ZNF12: variants seen among roughly 807,000 people sequenced by gnomAD.
ZNF12 encodes the protein gonadotropin inducible transcription repressor 3.
A neutral mutation model predicts 66.6 loss-of-function variants in ZNF12; 34 were observed. The ratio of observed to expected loss-of-function variants is 0.51; its 90% CI spans 0.39 to 0.68. The LOEUF is 0.68. Among genes scored for constraint, ZNF12 ranks in the 30% least tolerant of loss-of-function variants. The probability of loss-of-function intolerance (pLI) is 0.00; values close to 1 mark genes in which losing one functional copy is unlikely to be tolerated. For synonymous variants in ZNF12, 320 were observed against 278.9 expected, an observed-to-expected ratio of 1.15 and a Z score of -1.47; for missense variants, 697 against 826.9, an observed-to-expected ratio of 0.84 and a Z score of 1.93.
chr7:6,705,716 T>TTAA lies in ZNF12; in HGVS notation c.-50-494_-50-493insTTA, dbSNP rs1365729801. The stretch of plus-strand genomic sequence containing the variant: ...CCTGGGCAACAAAGCGAAACTTGTC[T>TTAA]CAAAAACAAACAAACAAACAAACAA... On this transcript the variant is annotated intron_variant, in intron 1 of 4. Transcript: ENST00000405858. This position sits in a 1 kb window ranked among gnomAD's most constrained non-coding sequence, Gnocchi z 4.0. Among the ~76,000 whole-genome samples, 1 of 112,148 alleles carries TTAA rather than the reference T, an allele frequency of 8.9e-6. No homozygotes were observed. The highest frequency in any genetic ancestry group is 2.0e-5 in the Non-Finnish European group (1 of 50,860). The allele number at this position is 112,148 out of a possible 152,430, so 73.6% of individuals were successfully genotyped here.
At chr7:6,703,064 A>C (rs201556915) in intron 2 of ZNF12, among the ~76,000 whole-genome samples, 27 of 144,654 alleles carry the variant, frequency 1.9e-4, no homozygotes, top group Admixed American at 5.5e-4. Context: ...ACACACACAC[A>C]CCCCTACCTG....
chr7:6,693,451 T>C (rs1198723193), intron 4 of ZNF12, among the ~76,000 whole-genome samples: 5 of 152,374 alleles, frequency 3.3e-5, no homozygotes, highest in East Asian at 1.9e-4. Flanking sequence ...CTTGTGAGGA[T>C]AGCGATGAGA....
rs554633187 is a variant in ZNF12 at position 6,706,881 on chromosome 7, A to C, written c.-500T>G. 9.8e-4 allele frequency: 398 copies of C among 404,572 alleles called. 3 individuals carry two copies. The highest frequency in any genetic ancestry group is 8.2e-3 in the African/African-American group (373 of 45,474). 25.1% of individuals were successfully genotyped at this position (404,572 alleles called of 1,614,324 possible). A position where few individuals can be genotyped will look rare whatever the true frequency, so the allele number is the denominator to read the frequency against. ...CCCGCAGGCTCCGCGATTCTCGCCCACCGGAGGCCAAAGCCTGGGAACTAG... is the reference window on the plus strand; with the variant it reads ...CCCGCAGGCTCCGCGATTCTCGCCCCCCGGAGGCCAAAGCCTGGGAACTAG... On this transcript the variant is annotated 5_prime_UTR_variant, in exon 1 of 5. Transcript: ENST00000405858.
Position 6,689,898 on chromosome 7 carries a change from A to G in ZNF12, c.*950T>C, listed in dbSNP as rs745533674. 5 of 152,054 alleles carry G rather than the reference A, an allele frequency of 3.3e-5. No homozygotes were observed. The highest frequency in any genetic ancestry group is 1.9e-4 in the East Asian group (1 of 5,178). 9.4% of individuals were successfully genotyped at this position (152,054 alleles called of 1,614,324 possible). On this transcript the variant is annotated 3_prime_UTR_variant, in exon 5 of 5. Coordinates refer to ENST00000405858, the MANE Select transcript of ZNF12 (RefSeq NM_016265.4). ...TAAGTGTCCAAATAAAAAACAGTAG[A>G]AAAAAAAATAGATACAAATGGGAAT...
Position 6,697,124 on chromosome 7 carries a change from T to C in ZNF12, c.238+215A>G, listed in dbSNP as rs904008171. The stretch of plus-strand genomic sequence containing the variant: ...CCAAAGTTTAAGAGAACAACAGAAG[T>C]GACTGGAATTCGATTCTTGGGAGTG... On this transcript the variant is annotated intron_variant, in intron 4 of 4. Coordinates refer to ENST00000405858, the MANE Select transcript of ZNF12 (RefSeq NM_016265.4). This position sits in a 1 kb window ranked among gnomAD's most constrained non-coding sequence, Gnocchi z 6.1. Among the ~76,000 whole-genome samples, 2 of 152,156 alleles carry C rather than the reference T, an allele frequency of 1.3e-5. No individual in the cohort carries two copies.
Position 6,697,317 on chromosome 7 carries a change from C to T in ZNF12, c.238+22G>A. 1.3e-6 allele frequency: 2 copies of T among 1,577,938 alleles called. No individual in the cohort carries two copies. The highest frequency in any genetic ancestry group is 2.3e-5 in the South Asian group (2 of 87,524). ...AAAACACTCCCAAGTTACCGATCTCCTCACTGCCTCCACTAACACACCTGG... is the reference window on the plus strand; with the variant it reads ...AAAACACTCCCAAGTTACCGATCTCTTCACTGCCTCCACTAACACACCTGG... On this transcript the variant is annotated intron_variant, in intron 4 of 4. Coordinates refer to ENST00000405858, the MANE Select transcript of ZNF12 (RefSeq NM_016265.4). This position sits in a 1 kb window ranked among gnomAD's most constrained non-coding sequence, Gnocchi z 6.1.
At position 6,691,862 on chromosome 7, in the gene ZNF12, T is replaced by C. The variant is rs769551188; in HGVS notation, c.1080A>G (p.Lys360=). 8.1e-6 allele frequency: 13 copies of C among 1,614,152 alleles called. No individual in the cohort carries two copies. The highest frequency in any genetic ancestry group is 1.1e-5 in the Non-Finnish European group (13 of 1,180,016). ...EKPYECSYCG[K]SFCQKTHLTQ... ...TGAGGTGTGTCTTCTGGCAAAAGGA[T>C]TTTCCACAATAACTACATTCATAGG... is the stretch of plus-strand genomic sequence containing the variant. The change falls in exon 5 of 5, where the codon AAA becomes AAG. Residue 360 remains lysine (K), a synonymous_variant. Coordinates refer to ENST00000405858, the MANE Select transcript of ZNF12 (RefSeq NM_016265.4).
Position 6,705,334 on chromosome 7 carries a change from GA to G in ZNF12, c.-50-112del, listed in dbSNP as rs1482895370. On this transcript the variant is annotated intron_variant, in intron 1 of 4. Transcript: ENST00000405858. The surrounding 1 kb of genome is among the most constrained non-coding windows in gnomAD (Gnocchi z 4.0). ...GTTCCAAGAAGTACATCTTGTGGGAGACTGTCCCTTTAAGCCTTCAGAAGGG... is the reference window on the plus strand; with the variant it reads ...GTTCCAAGAAGTACATCTTGTGGGAGCTGTCCCTTTAAGCCTTCAGAAGGG... The G allele has an allele frequency of 1.8e-5, 13 of 733,386 alleles. No homozygotes were observed. Among genetic ancestry groups the G allele is most frequent in the African/African-American group, 1.6e-4 (9 of 56,498 alleles). 45.4% of individuals were successfully genotyped at this position (733,386 alleles called of 1,614,324 possible). A position where few individuals can be genotyped will look rare whatever the true frequency, so the allele number is the denominator to read the frequency against.
chr7:6,690,807 C>G lies in ZNF12; in HGVS notation c.*41G>C. 6.6e-7 allele frequency: 1 copy of G among 1,524,748 alleles called. No homozygotes were observed. Among genetic ancestry groups the G allele is most frequent in the Non-Finnish European group, 8.8e-7 (1 of 1,137,560 alleles). The allele number at this position is 1,524,748 out of a possible 1,614,324, so 94.5% of individuals were successfully genotyped here. A position where few individuals can be genotyped will look rare whatever the true frequency, so the allele number is the denominator to read the frequency against. On this transcript the variant is annotated 3_prime_UTR_variant, in exon 5 of 5. Coordinates refer to ENST00000405858, the MANE Select transcript of ZNF12 (RefSeq NM_016265.4). ...ACTTCAGGCAGGAGTTTCTGATTCACTATACTGAAAGGGTTCTCTGATATA... is the reference window on the plus strand; with the variant it reads ...ACTTCAGGCAGGAGTTTCTGATTCAGTATACTGAAAGGGTTCTCTGATATA...
In ZNF12 at chr7:6,696,653, G is replaced by A. The variant is rs536796913; in HGVS notation, c.238+686C>T. Among the ~76,000 whole-genome samples the A allele has an allele frequency of 1.1e-4, 16 of 152,184 alleles. No homozygotes were observed. Among genetic ancestry groups the A allele is most frequent in the African/African-American group, 2.7e-4 (11 of 41,446 alleles). On this transcript the variant is annotated intron_variant, in intron 4 of 4. Transcript: ENST00000405858. This position sits in a 1 kb window ranked among gnomAD's most constrained non-coding sequence, Gnocchi z 4.0. ...GAAGCATAAACCAGACTTCATTTGC[G>A]TATATGATACTTACTAAGCACCTGC...
intron 1 of ZNF12, among the ~76,000 whole-genome samples, chr7:6,706,175 G>C (rs979996104): frequency 2.0e-5 from 3 of 152,180 alleles, no homozygotes; most frequent in African/African-American, 7.2e-5. Context: ...GTTTAGATAC[G>C]GTAGCAATCT....
At chr7:6,700,639 A>T (rs28550197) in intron 2 of ZNF12, among the ~76,000 whole-genome samples, 2,961 of 152,244 alleles carry the variant, frequency 0.019, 94 homozygotes, top group African/African-American at 0.067. Context: ...TTTTCAACAG[A>T]TGACACACTT....
intron 2 of ZNF12, among the ~76,000 whole-genome samples, chr7:6,702,325 C>CACACACACACA (rs58794992): frequency 6.6e-4 from 7 of 10,652 alleles, no homozygotes; most frequent in African/African-American, 1.5e-3. Flanking sequence ...CACACACACA[C>CACACACACACA]CAGATTCGTC....
At chr7:6,702,394 A>T (rs1780263590) in intron 2 of ZNF12, among the ~76,000 whole-genome samples, 1 of 87,028 alleles carries the variant, frequency 1.1e-5, no homozygotes, top group African/African-American at 4.3e-5. Flanking sequence ...ACACACACAC[A>T]CACAACCAGA....
At position 6,692,620 on chromosome 7, in the gene ZNF12, T is replaced by C. The variant is rs773463638; in HGVS notation, c.322A>G (p.Thr108Ala). 2.8e-4 allele frequency: 444 copies of C among 1,613,664 alleles called. No individual in the cohort carries two copies. Among genetic ancestry groups the C allele is most frequent in the Non-Finnish European group, 3.6e-4 (428 of 1,179,818 alleles). Residue 108 changes from threonine (T) to alanine (A), a missense_variant, in exon 5 of 5, where the codon ACC (threonine) becomes GCC (alanine). This residue lies in a region of ZNF12 where 241 missense variants were observed against 224.0 expected (regional missense o/e 1.08). Coordinates refer to ENST00000405858, the MANE Select transcript of ZNF12 (RefSeq NM_016265.4). The surrounding 1 kb of genome is among the most constrained non-coding windows in gnomAD (Gnocchi z 5.1). Reference protein sequence around the residue: ...KPSRQTVFIETLIEERGNVPG... With the variant: ...KPSRQTVFIEALIEERGNVPG... ...ACATTACCTCTCTCTTCAATCAGGGTCTCAATGAACACAGTTTGCCTTGAA... is the reference window on the plus strand; with the variant it reads ...ACATTACCTCTCTCTTCAATCAGGGCCTCAATGAACACAGTTTGCCTTGAA...
At chr7:6,693,884 C>G (rs913426919) in intron 4 of ZNF12, among the ~76,000 whole-genome samples, 1 of 152,126 alleles carries the variant, frequency 6.6e-6, no homozygotes, top group Non-Finnish European at 1.5e-5. Context: ...AATCAGATCC[C>G]TGGCCGGGCG....
chr7:6,698,200 C>T lies in ZNF12; in HGVS notation c.16-389G>A, dbSNP rs1235627928. ...CTAGAACATTAATAATGTTGGTTCTCTTCTTACCTCCCTGGTCACTCCTTC... is the reference window on the plus strand; with the variant it reads ...CTAGAACATTAATAATGTTGGTTCTTTTCTTACCTCCCTGGTCACTCCTTC... On this transcript the variant is annotated intron_variant, in intron 2 of 4. Coordinates refer to ENST00000405858, the MANE Select transcript of ZNF12 (RefSeq NM_016265.4). The surrounding 1 kb of genome is among the most constrained non-coding windows in gnomAD (Gnocchi z 4.4). Among the ~76,000 whole-genome samples the T allele has an allele frequency of 6.6e-6, 1 of 152,148 alleles. No individual in the cohort carries two copies. Among genetic ancestry groups the T allele is most frequent in the Non-Finnish European group, 1.5e-5 (1 of 68,028 alleles).
intron 2 of ZNF12, among the ~76,000 whole-genome samples, chr7:6,704,491 G>A (rs1468752480): frequency 6.7e-6 from 1 of 150,008 alleles, no homozygotes; most frequent in African/African-American, 2.5e-5. Context: ...CACTTTGGGA[G>A]GCCGAGGCGG....
Position 6,706,572 on chromosome 7 carries a change from G to A in ZNF12, c.-191C>T, listed in dbSNP as rs1226852991. On this transcript the variant is annotated 5_prime_UTR_variant, in exon 1 of 5. Coordinates refer to ENST00000405858, the MANE Select transcript of ZNF12 (RefSeq NM_016265.4). ...TCTGCTCCAGAGGGGCCCGGGCCGG[G>A]CCTACGGGACAAATCCAGGCGGGGC... 2.2e-6 allele frequency: 1 copy of A among 463,364 alleles called. No homozygotes were observed. The highest frequency in any genetic ancestry group is 2.3e-5 in the Admixed American group (1 of 43,212). 28.7% of individuals were successfully genotyped at this position (463,364 alleles called of 1,614,324 possible).
Sources: gnomAD v4.1 joint callset for allele counts (sites outside exome capture counted in the v4.1 genomes callset) on GRCh38, gnomAD v4.1.1 for gene constraint, gnomAD v4.1.1 regional missense constraint, Gnocchi (gnomAD v3.1) non-coding constraint, MANE v1.5 for transcripts, NCBI Gene and HGNC (gene_info 2026-07-23, HGNC 2026-07-21) for gene names.